The following SLC2A7 variants were observed in gnomAD, a reference collection of about 807,000 sequenced individuals.
SLC2A7 encodes the protein solute carrier family 2 member 7.
A neutral mutation model predicts 50.5 loss-of-function variants in SLC2A7; 50 were observed. The ratio of observed to expected loss-of-function variants is 0.99; its 90% CI spans 0.79 to 1.25. The LOEUF (loss-of-function observed/expected upper bound fraction) is 1.25, where lower values mean the gene tolerates loss of function less well. Ranked by LOEUF, SLC2A7 falls within the 50% of genes most tolerant of loss-of-function variation. The pLI is 0.00. For synonymous variants in SLC2A7, 308 were observed against 300.4 expected (o/e 1.03, Z -0.26); for missense variants, 683 against 679.1 (o/e 1.01, Z -0.06).
downstream of SLC2A7, among the ~76,000 whole-genome samples, chr1:9,000,408 T>C (rs1404903906): frequency 6.6e-6 from 1 of 151,898 alleles, no homozygotes; most frequent in Non-Finnish European, 1.5e-5. Flanking sequence ...CACCTGAGGT[T>C]GGGAGTTCAA....
chr1:9,021,976 A>G (rs1233722939), intron 3 of SLC2A7, among the ~76,000 whole-genome samples: 1 of 152,176 alleles, frequency 6.6e-6, no homozygotes, highest in Non-Finnish European at 1.5e-5. Context: ...AGCTTGAATT[A>G]TGGTATAGTT....
chr1:8,996,198 C>G, the SLC2A7 span, among the ~76,000 whole-genome samples: 3 of 152,026 alleles, frequency 2.0e-5, no homozygotes, highest in Admixed American at 2.0e-4. Context: ...GTTTCCCCAG[C>G]GAAACACTGA....
chr1:9,011,075 T>C (rs1640742139), intron 8 of SLC2A7, among the ~76,000 whole-genome samples: 1 of 151,390 alleles, frequency 6.6e-6, no homozygotes, highest in African/African-American at 2.5e-5. Context: ...GCACAGCCCC[T>C]GTGGTCCCCG....
intron 3 of SLC2A7, among the ~76,000 whole-genome samples, chr1:9,021,887 G>A (rs1640917592): frequency 6.6e-6 from 1 of 152,074 alleles, no homozygotes; most frequent in Admixed American, 6.6e-5. Flanking sequence ...GGAAGTGGAG[G>A]CCAAGACTGG....
rs1272716504 is a variant in SLC2A7 at position 9,008,278 on chromosome 1, T to C, written c.1117-893A>G. Reference sequence around the variant, plus strand: ...GATGGCGAGGTGGGAGGGGAGGCACTGGGAGCTTCCAAGCAGAGAAGCAAC... The same window carrying C: ...GATGGCGAGGTGGGAGGGGAGGCACCGGGAGCTTCCAAGCAGAGAAGCAAC... On this transcript the variant is annotated intron_variant, in intron 9 of 11. Transcript: ENST00000400906. The surrounding 1 kb of genome is among the most constrained non-coding windows in gnomAD (Gnocchi z 5.9). Among the ~76,000 whole-genome samples the C allele has an allele frequency of 6.6e-6, 1 of 152,072 alleles. No homozygotes were observed. Among genetic ancestry groups the C allele is most frequent in the African/African-American group, 2.4e-5 (1 of 41,422 alleles).
Position 9,017,847 on chromosome 1 carries a change from G to A in SLC2A7, c.589+376C>T, listed in dbSNP as rs540524367. On this transcript the variant is annotated intron_variant, in intron 5 of 11. Transcript: ENST00000400906. ...AAAACAGCCACCCAGTGACAGAGAC[G>A]GTGGCTGTGAACCTGCTTGCCCTGC... Among the ~76,000 whole-genome samples the A allele has an allele frequency of 2.5e-4, 38 of 152,244 alleles. No homozygotes were observed. The South Asian group carries it at 6.4e-3, about 26-fold the overall frequency.
At chr1:9,007,478 G>A (rs1640672713) in intron 9 of SLC2A7, 93 bp from the exon 10 acceptor site, 1 of 1,192,898 alleles carries the variant, frequency 8.4e-7, no homozygotes, top group Non-Finnish European at 1.2e-6. Flanking sequence ...CCCCAGGGAG[G>A]AGCTGCACCT....
At position 9,013,610 on chromosome 1, in the gene SLC2A7, T is replaced by C. The variant is rs1165287014; in HGVS notation, c.929A>G (p.Tyr310Cys). The C allele has an allele frequency of 1.2e-6, 2 of 1,613,976 alleles. No homozygotes were observed. Among genetic ancestry groups the C allele is most frequent in the Non-Finnish European group, 1.7e-6 (2 of 1,179,992 alleles). The change falls in exon 8 of 12, where the codon TAC becomes TGC. Residue 310 changes from tyrosine (Y) to cysteine (C), a missense_variant. Physicochemically the swap from Tyr to Cys is radical, Grantham distance 194. Transcript: ENST00000400906. Reference protein sequence around the residue: ...NAINYYADTIYTSAGVEAAHS... With the variant: ...NAINYYADTICTSAGVEAAHS... ...AGCGGCCTCCACGCCCGCAGATGTG[T>C]AGATGGTGTCCGCATAGTAGTTGAT... is the stretch of plus-strand genomic sequence containing the variant.
chr1:9,024,830 C>T, intron 2 of SLC2A7, 146 bp downstream of exon 2: 2 of 822,742 alleles, frequency 2.4e-6, no homozygotes, highest in Non-Finnish European at 3.9e-6. Context: ...ATCCAGGGTA[C>T]TAGGGCAAGC....
the SLC2A7 span, among the ~76,000 whole-genome samples, chr1:8,995,693 T>C: frequency 2.0e-5 from 3 of 152,158 alleles, no homozygotes; most frequent in Non-Finnish European, 2.9e-5. Context: ...TGCAGTGAGC[T>C]GAGATTGTGC....
At chr1:9,020,826 GT>G (rs1557652794) in intron 3 of SLC2A7, among the ~76,000 whole-genome samples, 1 of 151,998 alleles carries the variant, frequency 6.6e-6, no homozygotes, top group Admixed American at 6.6e-5. Flanking sequence ...GAGGGACCTG[GT>G]GGCAGGTCTT....
rs558407794 is a variant in SLC2A7 at position 9,003,248 on chromosome 1, T to C, written c.*52A>G. On this transcript the variant is annotated 3_prime_UTR_variant, in exon 12 of 12. Transcript: ENST00000400906. The stretch of plus-strand genomic sequence containing the variant: ...CCAGAGCCTGGGGCCGGGAGGCCCA[T>C]TGTCATAGAAGGAAGCCTTGAATAT... 2.1e-5 allele frequency: 33 copies of C among 1,568,874 alleles called. No homozygotes were observed. Among genetic ancestry groups the C allele is most frequent in the South Asian group, 9.1e-5 (8 of 88,350 alleles).
chr1:9,021,294 G>C (rs943354290), intron 3 of SLC2A7, among the ~76,000 whole-genome samples: 2 of 152,154 alleles, frequency 1.3e-5, no homozygotes, highest in Non-Finnish European at 2.9e-5. Context: ...ACTGGCGCGA[G>C]CCCCCGTGCC....
chr1:9,002,243 A>C (rs530662696), downstream of SLC2A7, among the ~76,000 whole-genome samples: 1 of 152,224 alleles, frequency 6.6e-6, no homozygotes, highest in African/African-American at 2.4e-5. Flanking sequence ...ACACCCGTAA[A>C]GGGTCTGTGC....
Position 9,008,887 on chromosome 1 carries a change from C to T in SLC2A7, c.1116+1256G>A, listed in dbSNP as rs1365079677. Among the ~76,000 whole-genome samples the T allele has an allele frequency of 6.6e-6, 1 of 152,158 alleles. No homozygotes were observed. Among genetic ancestry groups the T allele is most frequent in the Non-Finnish European group, 1.5e-5 (1 of 68,024 alleles). On this transcript the variant is annotated intron_variant, in intron 9 of 11. Coordinates refer to ENST00000400906, the MANE Select transcript of SLC2A7 (RefSeq NM_207420.3). This position sits in a 1 kb window ranked among gnomAD's most constrained non-coding sequence, Gnocchi z 5.9. ...CTGGGATTACAGGTGTGAGCCACTG[C>T]GTCTGGCTGAGAACTTATACTGGTT... is the stretch of plus-strand genomic sequence containing the variant.
chr1:9,016,273 A>T (rs1640829177), intron 5 of SLC2A7, among the ~76,000 whole-genome samples: 1 of 152,328 alleles, frequency 6.6e-6, no homozygotes. Flanking sequence ...CCACCCATTA[A>T]GGAATATGTG....
downstream of SLC2A7, among the ~76,000 whole-genome samples, chr1:8,999,138 T>C (rs1040185020): frequency 2.6e-5 from 4 of 152,302 alleles, no homozygotes; most frequent in African/African-American, 9.6e-5. Context: ...CTTAAGACTA[T>C]TCAGGTTATC....
chr1:9,019,828 G>C (rs775619892), intron 3 of SLC2A7, among the ~76,000 whole-genome samples: 2 of 152,132 alleles, frequency 1.3e-5, no homozygotes, highest in Non-Finnish European at 2.9e-5. Flanking sequence ...GGAGGCTGAG[G>C]CAGGAGAATC....
intron 8 of SLC2A7, among the ~76,000 whole-genome samples, chr1:9,011,319 TG>T (rs1372952657): frequency 6.6e-6 from 1 of 152,204 alleles, no homozygotes; most frequent in South Asian, 2.1e-4. Context: ...CCTGATCTGT[TG>T]GCCTCACCAT....
Sources: allele counts gnomAD v4.1 joint callset (sites outside exome capture counted in the v4.1 genomes callset), GRCh38; gene constraint gnomAD v4.1.1; non-coding constraint Gnocchi (gnomAD v3.1); transcripts MANE v1.5; gene names NCBI Gene and HGNC (gene_info 2026-07-23, HGNC 2026-07-21).